The following RAG1 variants were observed in gnomAD, a reference collection of about 807,000 sequenced individuals.
The protein encoded by RAG1 is V(D)J recombination-activating protein 1.
A neutral mutation model predicts 62.7 loss-of-function variants in RAG1; 35 were observed. The observed-to-expected ratio is 0.56, with a 90% CI of 0.43 to 0.74. The LOEUF is 0.74. RAG1 is among the 30% of genes least tolerant of loss of function. The pLI, the probability that RAG1 is intolerant of heterozygous loss-of-function variation, is 0.00. For synonymous variants in RAG1, 461 were observed against 470.3 expected (o/e 0.98, Z 0.26); for missense variants, 1,169 against 1,278.6 (o/e 0.91, Z 1.31).
At chr11:36,542,515 A>G (rs1850320789) in intron 3 of RAG1, among the ~76,000 whole-genome samples, 1 of 152,194 alleles carries the variant, frequency 6.6e-6, no homozygotes, top group African/African-American at 2.4e-5. Flanking sequence ...AAGATGCCCA[A>G]GAGGAAGAGG....
chr11:36,548,048 A>C (rs766501705), intron 3 of RAG1, among the ~76,000 whole-genome samples: 21 of 152,254 alleles, frequency 1.4e-4, no homozygotes, highest in South Asian at 4.1e-4. Context: ...CAATAGATGC[A>C]GAAAAGGCCT....
Position 36,574,663 on chromosome 11 carries a change from G to T in RAG1, c.1359G>T (p.Glu453Asp), listed in dbSNP as rs1178216516. ...GGAATGAGCACAGGCAAGCTGATGAGCTGGAGGCCATCATGCAGGGAAAGG... is the reference window on the plus strand; with the variant it reads ...GGAATGAGCACAGGCAAGCTGATGATCTGGAGGCCATCATGCAGGGAAAGG... Reference protein sequence around the residue: ...RARNEHRQADELEAIMQGKGS... With the variant: ...RARNEHRQADDLEAIMQGKGS... The change falls in exon 2 of 2, where the codon GAG becomes GAT. Residue 453 changes from glutamate (E) to aspartate (D), a missense_variant. By Grantham distance (45) the Glu-to-Asp change is conservative. Around this residue, in one of 2 missense-constraint regions of RAG1, gnomAD observed 800 missense variants for 943.3 expected, o/e 0.85. Coordinates refer to ENST00000299440, the MANE Select transcript of RAG1 (RefSeq NM_000448.3). 1.2e-6 allele frequency: 2 copies of T among 1,614,212 alleles called. No individual in the cohort carries two copies. Among genetic ancestry groups the T allele is most frequent in the Admixed American group, 3.3e-5 (2 of 60,032 alleles).
upstream of RAG1, among the ~76,000 whole-genome samples, chr11:36,566,956 C>T (rs1850670190): frequency 6.6e-6 from 1 of 152,286 alleles, no homozygotes; most frequent in South Asian, 2.1e-4. Context: ...ATCAGACAAG[C>T]AAGGAATCTC....
chr11:36,541,424 C>T (rs1035244941), intron 3 of RAG1, among the ~76,000 whole-genome samples: 2 of 152,238 alleles, frequency 1.3e-5, no homozygotes, highest in Non-Finnish European at 2.9e-5. Context: ...GTTGAACACA[C>T]ATTAACACTG....
chr11:36,574,497 A>G lies in RAG1; in HGVS notation c.1193A>G (p.His398Arg), dbSNP rs1299237943. Residue 398 changes from histidine (H) to arginine (R), a missense_variant, in exon 2 of 2, where the codon CAT (histidine) becomes CGT (arginine). Transcript: ENST00000299440. The stretch of plus-strand genomic sequence containing the variant: ...AATAAAGGGGGCCGGCCCCGCCAAC[A>G]TCTTCTGTCGCTGACTCGGAGAGCT... ...HINKGGRPRQ[H>R]LLSLTRRAQK... The G allele has an allele frequency of 1.2e-6, 2 of 1,614,224 alleles. No homozygotes were observed. The highest frequency in any genetic ancestry group is 1.7e-6 in the Non-Finnish European group (2 of 1,180,040).
rs191797608 is a variant in RAG1, at chr11:36,558,595, T to A, written c.-411-4790T>A. Among the ~76,000 whole-genome samples, 38 of 152,330 alleles carry A rather than the reference T, an allele frequency of 2.5e-4. No individual in the cohort carries two copies. The East Asian group carries it at 5.4e-3, about 22-fold the overall frequency. On this transcript the variant is annotated intron_variant and NMD_transcript_variant, in intron 3 of 9. Transcript: ENST00000534663. ...TATAAGCGTAGTTACTCCTGCTTAC[T>A]TTTGGTTTCCATTTGCATGGAGTAT... is the stretch of plus-strand genomic sequence containing the variant.
chr11:36,569,078 A>G (rs941450356), intron 1 of RAG1, among the ~76,000 whole-genome samples: 1 of 152,208 alleles, frequency 6.6e-6, no homozygotes, highest in South Asian at 2.1e-4. Context: ...TTGTGGGCCA[A>G]GTAACGGGGT....
intron 3 of RAG1, among the ~76,000 whole-genome samples, chr11:36,544,222 G>A (rs1564980924): frequency 6.6e-6 from 1 of 152,186 alleles, no homozygotes; most frequent in Admixed American, 6.5e-5. Flanking sequence ...TAAGGAGGTT[G>A]TCCTGCATCA....
intron 3 of RAG1, among the ~76,000 whole-genome samples, chr11:36,545,154 C>A (rs1850374150): frequency 1.3e-5 from 2 of 152,090 alleles, no homozygotes; most frequent in Non-Finnish European, 2.9e-5. Context: ...TTACACATAT[C>A]TTTTTTTGCA....
intron 2 of RAG1, among the ~76,000 whole-genome samples, chr11:36,529,577 C>G (rs1295881155): frequency 6.6e-6 from 1 of 152,102 alleles, no homozygotes; most frequent in Non-Finnish European, 1.5e-5. Context: ...CCTTTGAAAA[C>G]CGGCACAAGA....
In RAG1 at chr11:36,573,606, C is replaced by G. The variant is rs772170562; in HGVS notation, c.302C>G (p.Ala101Gly). 6.2e-7 allele frequency: 1 copy of G among 1,614,166 alleles called. No homozygotes were observed. The highest frequency in any genetic ancestry group is 2.2e-5 in the East Asian group (1 of 44,886). Reference sequence around the variant, plus strand: ...GACAACGAGAAAGCAAGAGGCAAAGCGATCCATCAAGCCAACCTTCGACAT... The same window carrying G: ...GACAACGAGAAAGCAAGAGGCAAAGGGATCCATCAAGCCAACCTTCGACAT... Reference protein sequence around the residue: ...FHDNEKARGKAIHQANLRHLC... With the variant: ...FHDNEKARGKGIHQANLRHLC... Residue 101 changes from alanine (A) to glycine (G), a missense_variant, in exon 2 of 2, where the codon GCG becomes GGG. Transcript: ENST00000299440.
chr11:36,564,020 C>G (rs1850626846), upstream of RAG1, among the ~76,000 whole-genome samples: 1 of 152,132 alleles, frequency 6.6e-6, no homozygotes, highest in African/African-American at 2.4e-5. Flanking sequence ...GATGAGGAGG[C>G]AAAACAATGC....
intron 3 of RAG1, among the ~76,000 whole-genome samples, chr11:36,557,565 C>G (rs140003677): frequency 6.6e-6 from 1 of 151,840 alleles, no homozygotes; most frequent in African/African-American, 2.4e-5. Flanking sequence ...AGAAATCACC[C>G]GTCTTCTGCG....
Position 36,575,388 on chromosome 11 carries a change from G to A in RAG1, c.2084G>A (p.Gly695Glu). 6.2e-7 allele frequency: 1 copy of A among 1,613,920 alleles called. No homozygotes were observed. The highest frequency in any genetic ancestry group is 8.5e-7 in the Non-Finnish European group (1 of 1,179,806). Residue 695 changes from glycine (G) to glutamate (E), a missense_variant, in exon 2 of 2, where the codon GGA (glycine) becomes GAA (glutamate). By Grantham distance (98) the Gly-to-Glu change is moderately conservative. Transcript: ENST00000299440. The surrounding 1 kb of genome is among the most constrained non-coding windows in gnomAD (Gnocchi z 4.1). ...AGCAGTGAATTAATGCTTGAGCTGG[G>A]AGGCATTCTCCGGACTTTCAAGTTC... Reference protein sequence around the residue: ...MKSSELMLELGGILRTFKFIF... With the variant: ...MKSSELMLELEGILRTFKFIF...
chr11:36,563,239 G>A (rs955544339), upstream of RAG1: 2 of 152,226 alleles, frequency 1.3e-5, no homozygotes, highest in Non-Finnish European at 2.9e-5. Flanking sequence ...TAGCATTTAA[G>A]TCAGTAGACT....
chr11:36,540,467 T>G (rs1044872567), downstream of RAG1, among the ~76,000 whole-genome samples: 3 of 152,262 alleles, frequency 2.0e-5, no homozygotes, highest in South Asian at 2.1e-4. Context: ...TGCAGTGGCA[T>G]GATCTCGGCT....
At chr11:36,530,610 C>T (rs911759409) in intron 2 of RAG1, among the ~76,000 whole-genome samples, 13 of 151,764 alleles carry the variant, frequency 8.6e-5, no homozygotes, top group Admixed American at 3.9e-4. Flanking sequence ...ATGTTGTTTA[C>T]TTTCAAAGTG....
intron 2 of RAG1, among the ~76,000 whole-genome samples, chr11:36,520,672 C>G (rs1860066137): frequency 1.3e-5 from 2 of 152,150 alleles, no homozygotes; most frequent in African/African-American, 2.4e-5. Flanking sequence ...GGGTTACAAA[C>G]TTTATCTAAG....
At chr11:36,516,229 G>T (rs1011645257) in intron 1 of RAG1, among the ~76,000 whole-genome samples, 30 of 152,222 alleles carry the variant, frequency 2.0e-4, no homozygotes, top group African/African-American at 7.2e-4. Context: ...CAAATGAATT[G>T]CTTTTGTCTG....
Sources: allele counts gnomAD v4.1 joint callset (sites outside exome capture counted in the v4.1 genomes callset), GRCh38; gene constraint gnomAD v4.1.1; regional missense constraint gnomAD v4.1.1; non-coding constraint Gnocchi (gnomAD v3.1); transcripts MANE v1.5; gene names NCBI Gene and HGNC (gene_info 2026-07-23, HGNC 2026-07-21).